The following ACOX1 variants were observed in gnomAD, a reference collection of about 807,000 sequenced individuals.
ACOX1 encodes the protein acyl-CoA oxidase 1.
Under a neutral mutation model 75.5 loss-of-function variants are expected in ACOX1, and 41 were observed. The observed-to-expected ratio is 0.54, with a 90% CI of 0.42 to 0.70. ACOX1 has a LOEUF of 0.70. Among genes scored for constraint, ACOX1 ranks in the 30% least tolerant of loss-of-function variants. The pLI, the probability that ACOX1 is intolerant of heterozygous loss-of-function variation, is 0.00. For missense variants in ACOX1, 630 were observed against 837.5 expected (o/e 0.75, Z 3.06); for synonymous variants, 303 against 298.8 (o/e 1.01, Z -0.15).
chr17:75,966,640 A>G (rs2065935545), intron 2 of ACOX1, among the ~76,000 whole-genome samples: 1 of 152,004 alleles, frequency 6.6e-6, no homozygotes, highest in Non-Finnish European at 1.5e-5. Flanking sequence ...CGTCTCTACT[A>G]AAAATACAAA....
chr17:75,977,360 A>C (rs1244613563), intron 2 of ACOX1, among the ~76,000 whole-genome samples: 1 of 151,656 alleles, frequency 6.6e-6, no homozygotes, highest in East Asian at 2.0e-4. Context: ...CGAGGTGAGG[A>C]GTTTGAGACC....
chr17:75,949,226 A>T lies in ACOX1; in HGVS notation c.1719T>A (p.Asp573Glu). 5.6e-6 allele frequency: 9 copies of T among 1,614,178 alleles called. No individual in the cohort carries two copies. The highest frequency in any genetic ancestry group is 7.6e-6 in the Non-Finnish European group (9 of 1,180,024). The change falls in exon 12 of 14, where the codon GAT (aspartate) becomes GAA (glutamate). Residue 573 changes from aspartate to glutamate, a missense_variant. Physicochemically the swap from Asp to Glu is conservative, Grantham distance 45 (BLOSUM62 2). Coordinates refer to ENST00000293217, the MANE Select transcript of ACOX1 (RefSeq NM_004035.7). ...CTTAGAAAATACTGACCTGAAGGAAATCCCCCGCGTTCTGACTGATTCCAT... is the reference window on the plus strand; with the variant it reads ...CTTAGAAAATACTGACCTGAAGGAATTCCCCCGCGTTCTGACTGATTCCAT... ...SLYGISQNAG[D>E]FLQGSIMTEP...
chr17:75,961,925 T>C (rs2065892365), intron 2 of ACOX1, among the ~76,000 whole-genome samples: 1 of 152,014 alleles, frequency 6.6e-6, no homozygotes, highest in Non-Finnish European at 1.5e-5. Context: ...TTTCCTCTGA[T>C]GAGAAAGCGA....
At chr17:75,963,371 TG>T (rs2065902999) in intron 2 of ACOX1, among the ~76,000 whole-genome samples, 2 of 152,126 alleles carry the variant, frequency 1.3e-5, no homozygotes, top group South Asian at 2.1e-4. Context: ...GTCTCCTAGC[TG>T]GGGAAATTAC....
Position 75,949,913 on chromosome 17 carries a change from AAACATGCTTTTAGT to A in ACOX1, c.1299-30_1299-17del. 6.2e-7 allele frequency: 1 copy of A among 1,613,960 alleles called. No homozygotes were observed. The highest frequency in any genetic ancestry group is 8.5e-7 in the Non-Finnish European group (1 of 1,179,876). On this transcript the variant is annotated splice_polypyrimidine_tract_variant and intron_variant, in intron 9 of 13. Transcript: ENST00000293217. ...CATCAGGAACCTAAAAGTCACCAGT[AAACATGCTTTTAGT>A]AACTCTACTTTCTTTTGTTTCTTTT...
intron 2 of ACOX1, among the ~76,000 whole-genome samples, chr17:75,962,060 C>T (rs2065893443): frequency 6.6e-6 from 1 of 152,054 alleles, no homozygotes; most frequent in Admixed American, 6.6e-5. Context: ...AAACATCCAG[C>T]GTAGAACCAT....
chr17:75,978,951 C>G lies in ACOX1; in HGVS notation c.109+14G>C. The G allele has an allele frequency of 6.2e-7, 1 of 1,608,854 alleles. No homozygotes were observed. Among genetic ancestry groups the G allele is most frequent in the Non-Finnish European group, 8.5e-7 (1 of 1,179,914 alleles). On this transcript the variant is annotated intron_variant, in intron 1 of 13. Transcript: ENST00000293217. The surrounding 1 kb of genome is among the most constrained non-coding windows in gnomAD (Gnocchi z 4.2). ...TTCTCGGGAAAGGAGGGAGGTCTCGCCCGCCGCCCTCACCGATCTCTCGGC... is the reference window on the plus strand; with the variant it reads ...TTCTCGGGAAAGGAGGGAGGTCTCGGCCGCCGCCCTCACCGATCTCTCGGC...
chr17:75,978,267 G>A lies in ACOX1; in HGVS notation c.269+267C>T, dbSNP rs1327387688. On this transcript the variant is annotated intron_variant, in intron 2 of 13. Coordinates refer to ENST00000293217, the MANE Select transcript of ACOX1 (RefSeq NM_004035.7). The surrounding 1 kb of genome is among the most constrained non-coding windows in gnomAD (Gnocchi z 4.2). ...CCGCCACCACGCCCGGCTAATTTTT[G>A]TATTTTCAGTAGAGATGGGGTTTCA... Among the ~76,000 whole-genome samples, 2 of 151,850 alleles carry A rather than the reference G, an allele frequency of 1.3e-5. No homozygotes were observed. The highest frequency in any genetic ancestry group is 4.8e-5 in the African/African-American group (2 of 41,328).
chr17:75,958,807 CAAA>C (rs60077017), intron 3 of ACOX1, among the ~76,000 whole-genome samples: 202 of 86,358 alleles, frequency 2.3e-3, no homozygotes, highest in African/African-American at 5.5e-3. Flanking sequence ...GACTCCGTCT[CAAA>C]AAAAAAAAAA....
At chr17:75,955,012 T>C (rs1351221942) in intron 6 of ACOX1, among the ~76,000 whole-genome samples, 1 of 151,834 alleles carries the variant, frequency 6.6e-6, no homozygotes, top group Non-Finnish European at 1.5e-5. Context: ...GGACTACAGG[T>C]GCGCACCACC....
intron 2 of ACOX1, among the ~76,000 whole-genome samples, chr17:75,977,640 G>A (rs1343765721): frequency 6.6e-6 from 1 of 152,118 alleles, no homozygotes; most frequent in Admixed American, 6.6e-5. Flanking sequence ...TTCCACACTA[G>A]AACCAAGGCA....
rs1444291844 is a variant in ACOX1 at position 75,978,181 on chromosome 17, G to A, written c.269+353C>T. ...GCGATCTCGGCTCACTGCAAGCTCC[G>A]CCTCCCTAGTTCACGCTATTCTCCT... On this transcript the variant is annotated intron_variant, in intron 2 of 13. Coordinates refer to ENST00000293217, the MANE Select transcript of ACOX1 (RefSeq NM_004035.7). This position sits in a 1 kb window ranked among gnomAD's most constrained non-coding sequence, Gnocchi z 4.2. Among the ~76,000 whole-genome samples the A allele has an allele frequency of 6.6e-6, 1 of 151,970 alleles. No individual in the cohort carries two copies. Among genetic ancestry groups the A allele is most frequent in the Non-Finnish European group, 1.5e-5 (1 of 67,986 alleles).
At chr17:75,968,649 G>GC (rs2065964407) in intron 2 of ACOX1, among the ~76,000 whole-genome samples, 1 of 147,304 alleles carries the variant, frequency 6.8e-6, no homozygotes. Flanking sequence ...TAGGCCATGT[G>GC]CAGTGGCTCA....
chr17:75,973,969 C>T (rs779525289), intron 2 of ACOX1, among the ~76,000 whole-genome samples: 1 of 152,164 alleles, frequency 6.6e-6, no homozygotes, highest in Non-Finnish European at 1.5e-5. Flanking sequence ...ACCTGATGAT[C>T]TCTCTTCTTC....
At chr17:75,956,080 G>T in intron 4 of ACOX1, 133 bp from the exon 5 acceptor site, 2 of 1,192,308 alleles carry the variant, frequency 1.7e-6, no homozygotes, top group Non-Finnish European at 2.5e-6. Context: ...AAGCCTTTCT[G>T]CTGACAGCAT....
At chr17:75,973,842 C>A in intron 2 of ACOX1, 1 of 1,583,622 alleles carries the variant, frequency 6.3e-7, no homozygotes, top group South Asian at 1.1e-5. Flanking sequence ...CATCCTACAA[C>A]CCCTTCTTGC....
intron 9 of ACOX1, 44 bp from the exon 10 acceptor site, chr17:75,949,941 T>C: frequency 1.2e-6 from 2 of 1,607,748 alleles, no homozygotes; most frequent in Non-Finnish European, 1.7e-6. Context: ...TCTACTTTCT[T>C]TTGTTTCTTT....
In ACOX1 at chr17:75,979,133, C is replaced by CCG. The variant is rs886053459; in HGVS notation, c.-62_-61dup. 1.8e-5 allele frequency: 28 copies of CCG among 1,597,504 alleles called. No individual in the cohort carries two copies. The East Asian group carries it at 6.3e-4, about 36-fold the overall frequency. On this transcript the variant is annotated 5_prime_UTR_variant, in exon 1 of 14. Transcript: ENST00000293217. Reference sequence around the variant, plus strand: ...CCGAGGTGGCAGTGACAATCTAAATCCGCAGCTCCAGCGCCGGCCGGACCC... The same window carrying CCG: ...CCGAGGTGGCAGTGACAATCTAAATCCGCGCAGCTCCAGCGCCGGCCGGACCC...
intron 2 of ACOX1, among the ~76,000 whole-genome samples, chr17:75,974,576 C>G (rs1331677326): frequency 6.6e-6 from 1 of 152,142 alleles, no homozygotes; most frequent in Non-Finnish European, 1.5e-5. Context: ...CAAAATACAT[C>G]TCATCTAACT....
Sources: gnomAD v4.1 joint callset for allele counts (sites outside exome capture counted in the v4.1 genomes callset) on GRCh38, gnomAD v4.1.1 for gene constraint, Gnocchi (gnomAD v3.1) non-coding constraint, MANE v1.5 for transcripts, NCBI Gene and HGNC (gene_info 2026-07-23, HGNC 2026-07-21) for gene names.